TAOK2: variants seen among roughly 807,000 people sequenced by gnomAD.
TAOK2 encodes the protein TAO kinase 2, also known as serine/threonine-protein kinase TAO2.
Under a neutral mutation model 122.5 loss-of-function variants are expected in TAOK2, and 42 were observed. The ratio of observed to expected loss-of-function variants is 0.34; its 90% CI spans 0.27 to 0.44. The LOEUF (loss-of-function observed/expected upper bound fraction) is 0.44, where lower values mean the gene tolerates loss of function less well. TAOK2 is among the 20% of genes least tolerant of loss of function. TAOK2 has a pLI of 1.00. For missense variants in TAOK2, 1,264 were observed against 1,644.9 expected, an observed-to-expected ratio of 0.77 and a Z score of 4.01; for synonymous variants, 704 against 677.6, an observed-to-expected ratio of 1.04 and a Z score of -0.61.
chr16:29,981,372 A>G, intron 8 of TAOK2: 1 of 587,092 alleles, frequency 1.7e-6, no homozygotes, highest in Non-Finnish European at 3.0e-6. Flanking sequence ...CACCTAAGAA[A>G]TATTAGTTGG....
At chr16:29,992,199 A>T (rs1364276771), downstream of TAOK2, 2 of 151,514 alleles carry the variant, frequency 1.3e-5, no homozygotes, top group South Asian at 2.1e-4. Context: ...AGCCCCTCTC[A>T]GCTGTGGGGC....
At chr16:29,991,689 C>T (rs1201468767), downstream of TAOK2, 2 of 1,222,976 alleles carry the variant, frequency 1.6e-6, no homozygotes, top group African/African-American at 1.6e-5. The surrounding 1 kb of genome is among the most constrained non-coding windows in gnomAD (Gnocchi z 5.6). Flanking sequence ...TCCAGCTCCC[C>T]TCAGACCTCC....
rs775419872 is a variant in TAOK2 at position 29,985,185 on chromosome 16, C to T, written c.1423-28C>T. The T allele has an allele frequency of 6.7e-7, 1 of 1,487,516 alleles. No individual in the cohort carries two copies. Among genetic ancestry groups the T allele is most frequent in the Admixed American group, 2.4e-5 (1 of 41,576 alleles). 92.1% of individuals were successfully genotyped at this position (1,487,516 alleles called of 1,614,324 possible). A position where few individuals can be genotyped will look rare whatever the true frequency, so the allele number is the denominator to read the frequency against. On this transcript the variant is annotated intron_variant, in intron 13 of 15. Coordinates refer to ENST00000308893, the MANE Select transcript of TAOK2 (RefSeq NM_016151.4). This position sits in a 1 kb window ranked among gnomAD's most constrained non-coding sequence, Gnocchi z 6.9. ...AATTAACTAGGGGCCAGGCTGAGCC[C>T]CAGCTCTCACCCTCTCTCCTTCCCC... is the stretch of plus-strand genomic sequence containing the variant.
At chr16:29,975,360 C>T (rs772614288) in intron 1 of TAOK2, among the ~76,000 whole-genome samples, 5 of 152,158 alleles carry the variant, frequency 3.3e-5, no homozygotes, top group Non-Finnish European at 5.9e-5. Flanking sequence ...AGAGAGGTTG[C>T]CCAAGGTCAC....
chr16:29,988,498 C>T (rs927563815), downstream of TAOK2: 2 of 1,193,944 alleles, frequency 1.7e-6, no homozygotes, highest in African/African-American at 3.2e-5. Context: ...CCTCTTCACC[C>T]CATCTCCGTT....
In TAOK2 at chr16:29,979,158, A is replaced by C. The variant is rs1848732227; in HGVS notation, c.450-37A>C. 6.2e-7 allele frequency: 1 copy of C among 1,613,618 alleles called. No homozygotes were observed. ...GGGCTGCCCCTGCCTAGCTTTCTTG[A>C]GACACATGTCTCATCCCTGTACTTT... On this transcript the variant is annotated intron_variant, in intron 6 of 15. Transcript: ENST00000308893. The surrounding 1 kb of genome is among the most constrained non-coding windows in gnomAD (Gnocchi z 4.1).
chr16:29,983,835 A>T (rs2069698848), intron 13 of TAOK2, among the ~76,000 whole-genome samples, 171 bp downstream of exon 13: 1 of 151,812 alleles, frequency 6.6e-6, no homozygotes, highest in South Asian at 2.1e-4. Context: ...TCCTCTTCCC[A>T]GTGGACTGTT....
At chr16:29,980,190 A>G (rs2069572392) in intron 8 of TAOK2, among the ~76,000 whole-genome samples, 1 of 152,228 alleles carries the variant, frequency 6.6e-6, no homozygotes, top group African/African-American at 2.4e-5. Flanking sequence ...AGCCATGCCA[A>G]GGTTCTCATC....
rs1273631642 is a variant in TAOK2 at position 29,985,921 on chromosome 16, T to C, written c.1992+60T>C. On this transcript the variant is annotated intron_variant, in intron 15 of 15. Transcript: ENST00000308893. This position sits in a 1 kb window ranked among gnomAD's most constrained non-coding sequence, Gnocchi z 6.9. ...CTCGTGGATCCCAGGGACCCACCCT[T>C]TTCCATTTTCCTCATTCTTGTCTTC... is the stretch of plus-strand genomic sequence containing the variant. The C allele has an allele frequency of 1.3e-6, 2 of 1,551,294 alleles. No homozygotes were observed. The highest frequency in any genetic ancestry group is 8.8e-7 in the Non-Finnish European group (1 of 1,141,174).
At chr16:29,991,131 G>C (rs2069958213), downstream of TAOK2, 1 of 1,608,872 alleles carries the variant, frequency 6.2e-7, no homozygotes, top group Non-Finnish European at 8.5e-7. This position sits in a 1 kb window ranked among gnomAD's most constrained non-coding sequence, Gnocchi z 5.6. Context: ...TGAGATCGAG[G>C]CCTTCGATGC....
Position 29,979,662 on chromosome 16 carries a change from G to C in TAOK2, c.655+154G>C, listed in dbSNP as rs923770223. Reference sequence around the variant, plus strand: ...CCCTGGAGCCCAATACAGGCAGCTGGCAAATTCTGCCAGCTCTTAGGCCTA... The same window carrying C: ...CCCTGGAGCCCAATACAGGCAGCTGCCAAATTCTGCCAGCTCTTAGGCCTA... On this transcript the variant is annotated intron_variant, in intron 8 of 15. Coordinates refer to ENST00000308893, the MANE Select transcript of TAOK2 (RefSeq NM_016151.4). This position sits in a 1 kb window ranked among gnomAD's most constrained non-coding sequence, Gnocchi z 4.1. Among the ~76,000 whole-genome samples, 1 of 152,136 alleles carries C rather than the reference G, an allele frequency of 6.6e-6. No homozygotes were observed. Among genetic ancestry groups the C allele is most frequent in the Non-Finnish European group, 1.5e-5 (1 of 68,022 alleles).
chr16:29,979,612 C>CCT lies in TAOK2; in HGVS notation c.655+104_655+105insCT. On this transcript the variant is annotated intron_variant, in intron 8 of 15. Transcript: ENST00000308893. This position sits in a 1 kb window ranked among gnomAD's most constrained non-coding sequence, Gnocchi z 4.1. ...TCCTAGGGATGGGATCCCAGGCCTC[C>CCT]AAGTTCCTGTCCGTTGTGACTCTAC... 2.1e-6 allele frequency: 2 copies of CCT among 949,656 alleles called. No individual in the cohort carries two copies. The highest frequency in any genetic ancestry group is 3.0e-6 in the Non-Finnish European group (2 of 656,676). 58.8% of individuals were successfully genotyped at this position (949,656 alleles called of 1,614,324 possible). A position where few individuals can be genotyped will look rare whatever the true frequency, so the allele number is the denominator to read the frequency against.
At position 29,985,439 on chromosome 16, in the gene TAOK2, G is replaced by C. The variant is rs773147120; in HGVS notation, c.1649G>C (p.Gly550Ala). ...CTGGCCCGGCGGCACCAGGCCATAG[G>C]TGAGAAGGAGGCACGAGCTGCCCAG... The part of the protein sequence containing the change: ...EKLARRHQAI[G>A]EKEARAAQAE... Residue 550 changes from glycine (G) to alanine (A), a missense_variant, in exon 14 of 16, where the codon GGT becomes GCT. Physicochemically the swap from Gly to Ala is moderately conservative, Grantham distance 60. Transcript: ENST00000308893. The surrounding 1 kb of genome is among the most constrained non-coding windows in gnomAD (Gnocchi z 6.9). The C allele has an allele frequency of 1.2e-6, 2 of 1,610,890 alleles. No individual in the cohort carries two copies. The highest frequency in any genetic ancestry group is 2.2e-5 in the South Asian group (2 of 90,786).
downstream of TAOK2, chr16:29,988,796 A>G (rs2069895655): frequency 2.0e-6 from 2 of 985,068 alleles, no homozygotes; most frequent in Non-Finnish European, 2.4e-6. Flanking sequence ...CCTCCACAGT[A>G]GGGGGTGCTG....
intron 10 of TAOK2, among the ~76,000 whole-genome samples, chr16:29,982,181 G>A (rs967822288): frequency 2.0e-5 from 3 of 152,092 alleles, no homozygotes; most frequent in Non-Finnish European, 2.9e-5. Context: ...TTATATAATT[G>A]CCAGCCAGAG....
chr16:29,989,363 C>A (rs2069910432), downstream of TAOK2: 2 of 985,288 alleles, frequency 2.0e-6, no homozygotes, highest in African/African-American at 3.5e-5. Flanking sequence ...CCTGATCTCT[C>A]TCAACACGAT....
chr16:29,992,242 CTG>C (rs1219425529), downstream of TAOK2: 1 of 152,120 alleles, frequency 6.6e-6, no homozygotes, highest in Non-Finnish European at 1.5e-5. Flanking sequence ...TTTTAATAAA[CTG>C]TTGGTTATTC....
chr16:29,990,718 T>C, downstream of TAOK2: 1 of 1,497,728 alleles, frequency 6.7e-7, no homozygotes. Flanking sequence ...CAGGCCTACC[T>C]GGGGCAGGGG....
chr16:29,979,375 C>G lies in TAOK2; in HGVS notation c.564-42C>G. The G allele has an allele frequency of 1.2e-6, 2 of 1,606,826 alleles. No individual in the cohort carries two copies. Among genetic ancestry groups the G allele is most frequent in the Non-Finnish European group, 1.7e-6 (2 of 1,174,588 alleles). ...ATGTTGGGAGTAGGAGTGACAGGGT[C>G]TCGGCGGGTGATTTGCCTCTCTCTC... On this transcript the variant is annotated intron_variant, in intron 7 of 15. Coordinates refer to ENST00000308893, the MANE Select transcript of TAOK2 (RefSeq NM_016151.4). This position sits in a 1 kb window ranked among gnomAD's most constrained non-coding sequence, Gnocchi z 4.1.
Sources: allele counts gnomAD v4.1 joint callset (sites outside exome capture counted in the v4.1 genomes callset), GRCh38; gene constraint gnomAD v4.1.1; non-coding constraint Gnocchi (gnomAD v3.1); transcripts MANE v1.5; gene names NCBI Gene and HGNC (gene_info 2026-07-23, HGNC 2026-07-21).